The following PNPLA7 variants were observed in gnomAD, a reference collection of about 807,000 sequenced individuals.
PNPLA7 encodes patatin-like phospholipase domain-containing protein 7.
Under a neutral mutation model 161.7 loss-of-function variants are expected in PNPLA7, and 153 were observed. The observed-to-expected ratio is 0.95, with a 90% CI of 0.83 to 1.08. The LOEUF (loss-of-function observed/expected upper bound fraction) is 1.08. Among genes scored for constraint, PNPLA7 ranks in the 50% least tolerant of loss-of-function variants. The probability of loss-of-function intolerance (pLI) is 0.00; values close to 1 mark genes in which losing one functional copy is unlikely to be tolerated. For synonymous variants in PNPLA7, 809 were observed against 782.1 expected, an observed-to-expected ratio of 1.03 and a Z score of -0.57; for missense variants, 1,739 against 1,856.6, an observed-to-expected ratio of 0.94 and a Z score of 1.16.
chr9:137,528,479 AC>A (rs1273322475), intron 8 of PNPLA7, among the ~76,000 whole-genome samples: 1 of 151,772 alleles, frequency 6.6e-6, no homozygotes, highest in Non-Finnish European at 1.5e-5. Flanking sequence ...ATGGGGTTTC[AC>A]CATGTTGGCC....
rs535635493 is a variant in PNPLA7 at position 137,460,618 on chromosome 9, A to G, written c.3945+16T>C. ...TCAGCTGTGGGCACCAGGTGGGACC[A>G]TGCCCAGCTCCTCACCAAGTCTGAG... On this transcript the variant is annotated intron_variant, in intron 34 of 34. Coordinates refer to ENST00000406427, the MANE Select transcript of PNPLA7 (RefSeq NM_001098537.3). 3 of 1,608,666 alleles carry G rather than the reference A, an allele frequency of 1.9e-6. No homozygotes were observed. In the African/African-American group the frequency reaches 4.0e-5, roughly 21 times the overall value.
At chr9:137,527,371 C>T (rs1049899443) in intron 8 of PNPLA7, among the ~76,000 whole-genome samples, 3 of 151,816 alleles carry the variant, frequency 2.0e-5, no homozygotes, top group Non-Finnish European at 4.4e-5. Context: ...CTTTCACGAT[C>T]AGGCACGATG....
rs151190772 is a variant in PNPLA7, at chr9:137,536,369, G to A, written c.747+4273C>T. Among the ~76,000 whole-genome samples, 1,323 of 152,096 alleles carry A rather than the reference G, an allele frequency of 8.7e-3. 14 individuals carry two copies. The highest frequency in any genetic ancestry group is 0.024 in the Middle Eastern group (7 of 292). ...GAAGGGTGGGTGGTCCTGGGATGGCGTCTGGACAGCAGGCCTGGGGAGGGT... is the reference window on the plus strand; with the variant it reads ...GAAGGGTGGGTGGTCCTGGGATGGCATCTGGACAGCAGGCCTGGGGAGGGT... On this transcript the variant is annotated intron_variant, in intron 8 of 34. Transcript: ENST00000406427.
At chr9:137,519,387 C>T (rs1834866062) in intron 11 of PNPLA7, among the ~76,000 whole-genome samples, 1 of 150,250 alleles carries the variant, frequency 6.7e-6, no homozygotes, top group African/African-American at 2.4e-5. Context: ...CCCCACCAGG[C>T]ACCTGGCCCA....
rs1034587648 is a variant in PNPLA7, at chr9:137,505,511, C to T, written c.1473+103G>A. ...CACTCCACCCAAAACACCTCCTTTG[C>T]AGCCACTGTCCTCCACACCTGGAAC... On this transcript the variant is annotated intron_variant, in intron 14 of 34. Coordinates refer to ENST00000406427, the MANE Select transcript of PNPLA7 (RefSeq NM_001098537.3). The T allele has an allele frequency of 7.2e-6, 10 of 1,381,720 alleles. No homozygotes were observed. The African/African-American group carries it at 1.3e-4, about 18-fold the overall frequency. The allele number at this position is 1,381,720 out of a possible 1,614,324, so 85.6% of individuals were successfully genotyped here.
chr9:137,547,280 C>G lies in PNPLA7; in HGVS notation c.193+29G>C, dbSNP rs201981365. 10 of 1,606,668 alleles carry G rather than the reference C, an allele frequency of 6.2e-6. No homozygotes were observed. Among genetic ancestry groups the G allele is most frequent in the East Asian group, 2.2e-5 (1 of 44,858 alleles). On this transcript the variant is annotated intron_variant, in intron 3 of 34. Transcript: ENST00000406427. This position sits in a 1 kb window ranked among gnomAD's most constrained non-coding sequence, Gnocchi z 4.6. Reference sequence around the variant, plus strand: ...ACACCCACGCTTTCCCCCAACCCCCCGGGCCAGAGTCGGAACCAAGATACT... The same window carrying G: ...ACACCCACGCTTTCCCCCAACCCCCGGGGCCAGAGTCGGAACCAAGATACT...
chr9:137,507,528 G>T (rs1034709493), intron 12 of PNPLA7, among the ~76,000 whole-genome samples: 2 of 152,156 alleles, frequency 1.3e-5, no homozygotes, highest in Admixed American at 6.5e-5. Context: ...AATTAGCCGG[G>T]CGTGGTGGCA....
chr9:137,504,475 G>C (rs1371485138), intron 14 of PNPLA7, among the ~76,000 whole-genome samples: 1 of 152,160 alleles, frequency 6.6e-6, no homozygotes, highest in Non-Finnish European at 1.5e-5. Flanking sequence ...GCCTCCCAAA[G>C]TGCTAGGATT....
Position 137,460,768 on chromosome 9 carries a change from C to T in PNPLA7, c.3842-31G>A, listed in dbSNP as rs1165644620. 16 of 1,590,086 alleles carry T rather than the reference C, an allele frequency of 1.0e-5. No individual in the cohort carries two copies. In the Admixed American group the frequency reaches 2.4e-4, roughly 24 times the overall value. ...ACCGAGGGTAGGGCTGCGTCAGTCCCCTCCCAAGGAAGGGACCGTACCCAG... is the reference window on the plus strand; with the variant it reads ...ACCGAGGGTAGGGCTGCGTCAGTCCTCTCCCAAGGAAGGGACCGTACCCAG... On this transcript the variant is annotated intron_variant, in intron 33 of 34. Transcript: ENST00000406427.
At chr9:137,527,257 G>T (rs1021135645) in intron 8 of PNPLA7, among the ~76,000 whole-genome samples, 4 of 148,426 alleles carry the variant, frequency 2.7e-5, no homozygotes, top group Non-Finnish European at 4.4e-5. Flanking sequence ...GACAGAGCAA[G>T]ACTCCGACTC....
rs902410564 is a variant in PNPLA7, at chr9:137,514,772, C to T, written c.1225+607G>A. Among the ~76,000 whole-genome samples, 141 of 105,980 alleles carry T rather than the reference C, an allele frequency of 1.3e-3. 3 individuals are homozygous for T. Among genetic ancestry groups the T allele is most frequent in the East Asian group, 2.4e-3 (8 of 3,368 alleles). The allele number at this position is 105,980 out of a possible 152,430, so 69.5% of individuals were successfully genotyped here. A position where few individuals can be genotyped will look rare whatever the true frequency, so the allele number is the denominator to read the frequency against. On this transcript the variant is annotated intron_variant, in intron 12 of 34. Transcript: ENST00000406427. The stretch of plus-strand genomic sequence containing the variant: ...TGTTGAGATGCCCGGGCCCTGTGGC[C>T]GGGCTGCAGGTGGGTCACCTGACTG...
Position 137,462,787 on chromosome 9 carries a change from G to A in PNPLA7, c.3390C>T (p.Asp1130=), listed in dbSNP as rs376246625. ...SMGAKVVIAI[D]VGSRDETDLT... Reference sequence around the variant, plus strand: ...GGTCCGTCTCATCTCGGCTGCCCACGTCAATGGCGATCACCACTTTTGCCC... The same window carrying A: ...GGTCCGTCTCATCTCGGCTGCCCACATCAATGGCGATCACCACTTTTGCCC... The change falls in exon 30 of 35, where the codon GAC becomes GAT. Residue 1130 remains aspartate (D), a synonymous_variant. Transcript: ENST00000406427. 79 of 1,613,716 alleles carry A rather than the reference G, an allele frequency of 4.9e-5. No individual in the cohort carries two copies. Among genetic ancestry groups the A allele is most frequent in the Non-Finnish European group, 6.4e-5 (75 of 1,179,962 alleles).
Position 137,468,627 on chromosome 9 carries a change from C to T in PNPLA7, c.2883-1154G>A, listed in dbSNP as rs1242864941. 1.3e-5 allele frequency among the ~76,000 whole-genome samples: 2 copies of T among 151,802 alleles called. No individual in the cohort carries two copies. Among genetic ancestry groups the T allele is most frequent in the South Asian group, 2.1e-4 (1 of 4,788 alleles). On this transcript the variant is annotated intron_variant, in intron 25 of 34. Coordinates refer to ENST00000406427, the MANE Select transcript of PNPLA7 (RefSeq NM_001098537.3). The surrounding 1 kb of genome is among the most constrained non-coding windows in gnomAD (Gnocchi z 4.0). ...AATCCTCAGTGTTGGAGGAGGGACC[C>T]GGTGGGAGGTAACTGGATCATGGGG...
At position 137,550,062 on chromosome 9, in the gene PNPLA7, C is replaced by A. The variant is rs149547185; in HGVS notation, c.30+106G>T. 3.3e-3 allele frequency: 4,737 copies of A among 1,417,420 alleles called. 112 individuals are homozygous for A. In the South Asian group the frequency reaches 0.037, roughly 11 times the overall value. The allele number at this position is 1,417,420 out of a possible 1,614,324, so 87.8% of individuals were successfully genotyped here. ...ACAGTCCTCAGGCGCCAAGAAGCCACGGGGCCAAAGAGCGCGGCAGAGCAG... is the reference window on the plus strand; with the variant it reads ...ACAGTCCTCAGGCGCCAAGAAGCCAAGGGGCCAAAGAGCGCGGCAGAGCAG... On this transcript the variant is annotated intron_variant, in intron 1 of 34. Transcript: ENST00000406427.
chr9:137,521,561 C>A, intron 10 of PNPLA7, 75 bp downstream of exon 10: 1 of 1,477,784 alleles, frequency 6.8e-7, no homozygotes, highest in Non-Finnish European at 9.3e-7. Flanking sequence ...TGGGCGCCTG[C>A]CGTGCCAACC....
intron 1 of PNPLA7, among the ~76,000 whole-genome samples, chr9:137,548,738 A>G (rs1443540239): frequency 6.6e-6 from 1 of 151,990 alleles, no homozygotes; most frequent in East Asian, 1.9e-4. Context: ...ACAGAGCGAG[A>G]CTCCATCTCA....
intron 11 of PNPLA7, among the ~76,000 whole-genome samples, chr9:137,519,138 G>T (rs1834849870): frequency 6.6e-6 from 1 of 152,184 alleles, no homozygotes; most frequent in African/African-American, 2.4e-5. Flanking sequence ...ACTCTCATCA[G>T]CATTGCTTCA....
At chr9:137,542,201 C>T (rs964916676) in intron 7 of PNPLA7, among the ~76,000 whole-genome samples, 1 of 152,206 alleles carries the variant, frequency 6.6e-6, no homozygotes, top group East Asian at 1.9e-4. Flanking sequence ...CAGCCCAGTG[C>T]CTCATGCCTG....
At chr9:137,539,856 G>A (rs1836094959) in intron 8 of PNPLA7, among the ~76,000 whole-genome samples, 1 of 152,134 alleles carries the variant, frequency 6.6e-6, no homozygotes, top group Non-Finnish European at 1.5e-5. Flanking sequence ...CAGGATCTTG[G>A]CTCACTGCAA....
Sources: allele counts gnomAD v4.1 joint callset (sites outside exome capture counted in the v4.1 genomes callset), GRCh38; gene constraint gnomAD v4.1.1; non-coding constraint Gnocchi (gnomAD v3.1); transcripts MANE v1.5; gene names NCBI Gene and HGNC (gene_info 2026-07-23, HGNC 2026-07-21).